Variants in PSME4 observed in about 807,000 individuals in gnomAD.
The protein encoded by PSME4 is proteasome activator subunit 4, also known as proteasome activator complex subunit 4.
In PSME4, 89 loss-of-function variants were observed where a neutral mutation model predicts 253.9. The ratio of observed to expected loss-of-function variants is 0.35; its 90% CI spans 0.30 to 0.42. The LOEUF (loss-of-function observed/expected upper bound fraction) is 0.42, where lower values mean the gene tolerates loss of function less well. Ranked by LOEUF, PSME4 falls within the 10% of genes least tolerant of loss-of-function variation. The probability of loss-of-function intolerance (pLI) is 1.00; values close to 1 mark genes in which losing one functional copy is unlikely to be tolerated. For missense variants in PSME4, 2,014 were observed against 2,195.2 expected (o/e 0.92, Z 1.65); for synonymous variants, 851 against 759.2 (o/e 1.12, Z -1.99).
intron 1 of PSME4, among the ~76,000 whole-genome samples, chr2:53,949,601 C>G (rs1669882802): frequency 6.6e-6 from 1 of 152,038 alleles, no homozygotes; most frequent in Non-Finnish European, 1.5e-5. Context: ...GAAATCCAGT[C>G]ATAAGCTACA....
At chr2:53,866,684 A>G in intron 45 of PSME4, 63 bp downstream of exon 45, 1 of 1,523,620 alleles carries the variant, frequency 6.6e-7, no homozygotes, top group East Asian at 2.3e-5. Flanking sequence ...GGAAATTATT[A>G]TTATGGTTTC....
intron 1 of PSME4, among the ~76,000 whole-genome samples, chr2:53,967,605 G>T (rs1347227996): frequency 8.1e-6 from 1 of 122,822 alleles, no homozygotes; most frequent in Admixed American, 1.1e-4. Flanking sequence ...CCACGATAGT[G>T]CCACTACACT....
chr2:53,866,240 C>G lies in PSME4; in HGVS notation c.5398-17G>C. The G allele has an allele frequency of 6.2e-7, 1 of 1,612,638 alleles. No homozygotes were observed. Among genetic ancestry groups the G allele is most frequent in the Non-Finnish European group, 8.5e-7 (1 of 1,179,392 alleles). ...TACAGTCATCTGTAAAGTAGACAAC[C>G]CACATACGTTTTAACCTCTCTGGAC... is the stretch of plus-strand genomic sequence containing the variant. On this transcript the variant is annotated splice_polypyrimidine_tract_variant and intron_variant, in intron 45 of 46. Coordinates refer to ENST00000404125, the MANE Select transcript of PSME4 (RefSeq NM_014614.3).
In PSME4 at chr2:53,893,696, G is replaced by A; in HGVS notation, c.4016C>T (p.Pro1339Leu). Residue 1339 changes from proline (P) to leucine (L), a missense_variant, in exon 35 of 47, where the codon CCA becomes CTA. Physicochemically the swap from Pro to Leu is moderately conservative, Grantham distance 98. Coordinates refer to ENST00000404125, the MANE Select transcript of PSME4 (RefSeq NM_014614.3). Reference protein sequence around the residue: ...EDRKGKDKFNPRRFCLFKGIF... With the variant: ...EDRKGKDKFNLRRFCLFKGIF... Reference sequence around the variant, plus strand: ...TACCTTAAAGAGGCAAAAACGTCGTGGATTAAACTTATCTTTTCCTTTTCT... The same window carrying A: ...TACCTTAAAGAGGCAAAAACGTCGTAGATTAAACTTATCTTTTCCTTTTCT... 6.2e-7 allele frequency: 1 copy of A among 1,609,664 alleles called. No homozygotes were observed. The highest frequency in any genetic ancestry group is 8.5e-7 in the Non-Finnish European group (1 of 1,177,860).
At chr2:53,914,588 T>C (rs1219460233) in intron 20 of PSME4, among the ~76,000 whole-genome samples, 1 of 152,196 alleles carries the variant, frequency 6.6e-6, no homozygotes, top group East Asian at 1.9e-4. Flanking sequence ...ATAGTAAGTA[T>C]AAGATATTTA....
intron 33 of PSME4, 36 bp from the exon 34 acceptor site, chr2:53,895,112 GA>G (rs1680083697): frequency 1.3e-6 from 2 of 1,547,402 alleles, no homozygotes; most frequent in Non-Finnish European, 8.7e-7. Context: ...CATACGCATA[GA>G]AAAAAATATT....
intron 1 of PSME4, among the ~76,000 whole-genome samples, chr2:53,963,233 G>C (rs1005373713): frequency 6.6e-6 from 1 of 151,916 alleles, no homozygotes; most frequent in African/African-American, 2.4e-5. Flanking sequence ...GCCTGAGATG[G>C]GAGGATCGCT....
At chr2:53,966,465 T>C (rs112447749) in intron 1 of PSME4, among the ~76,000 whole-genome samples, 1 of 151,948 alleles carries the variant, frequency 6.6e-6, no homozygotes, top group African/African-American at 2.4e-5. Context: ...AGTTTGAGAC[T>C]GGCCTGGCCA....
chr2:53,909,675 T>A (rs996373169), intron 21 of PSME4, among the ~76,000 whole-genome samples: 2 of 152,138 alleles, frequency 1.3e-5, no homozygotes, highest in Non-Finnish European at 1.5e-5. Context: ...CTACTTCATT[T>A]TAGGCCGGGC....
At chr2:53,935,692 G>A (rs1669072680) in intron 7 of PSME4, among the ~76,000 whole-genome samples, 1 of 152,024 alleles carries the variant, frequency 6.6e-6, no homozygotes. Context: ...TTCATACCCT[G>A]CACAAGAAAA....
intron 4 of PSME4, among the ~76,000 whole-genome samples, chr2:53,939,512 G>A (rs1182843878): frequency 1.3e-5 from 2 of 152,092 alleles, no homozygotes; most frequent in Non-Finnish European, 2.9e-5. Context: ...GACTGCTTGA[G>A]GCCAGGGGTT....
At chr2:53,962,876 T>C (rs562351876) in intron 1 of PSME4, among the ~76,000 whole-genome samples, 1 of 152,060 alleles carries the variant, frequency 6.6e-6, no homozygotes, top group Admixed American at 6.6e-5. Flanking sequence ...CCAGGCATGG[T>C]GGCTGCACCT....
In PSME4 at chr2:53,937,433, A is replaced by C; in HGVS notation, c.653T>G (p.Leu218Arg). 6.2e-7 allele frequency: 1 copy of C among 1,609,164 alleles called. No homozygotes were observed. Residue 218 changes from leucine to arginine, a missense_variant, in exon 5 of 47, where the codon CTT (leucine) becomes CGT (arginine). Coordinates refer to ENST00000404125, the MANE Select transcript of PSME4 (RefSeq NM_014614.3). The part of the protein sequence containing the change: ...QKAITYFEIF[L>R]PTSLPPELHH... Reference sequence around the variant, plus strand: ...AAGTTCTGGAGGAAGGGAGGTAGGAAGAAATATTTCAAAATAAGTGATGGC... The same window carrying C: ...AAGTTCTGGAGGAAGGGAGGTAGGACGAAATATTTCAAAATAAGTGATGGC...
rs531854631 is a variant in PSME4, at chr2:53,865,577, T to A, written c.*5-4A>T. On this transcript the variant is annotated splice_polypyrimidine_tract_variant and splice_region_variant and intron_variant, in intron 46 of 46. Coordinates refer to ENST00000404125, the MANE Select transcript of PSME4 (RefSeq NM_014614.3). ...GCCTGAAGTGAGGACTAGTCATCTG[T>A]ATCAGGGAGGAAAAAATTTCAATTA... 1 of 152,850 alleles carries A rather than the reference T, an allele frequency of 6.5e-6. No individual in the cohort carries two copies. The highest frequency in any genetic ancestry group is 6.5e-5 in the Admixed American group (1 of 15,340). The allele number at this position is 152,850 out of a possible 1,614,324, so 9.5% of individuals were successfully genotyped here.
intron 34 of PSME4, 59 bp from the exon 35 acceptor site, chr2:53,893,858 C>A (rs1354200961): frequency 1.3e-6 from 2 of 1,501,438 alleles, no homozygotes; most frequent in Non-Finnish European, 8.8e-7. Flanking sequence ...ATACATGATT[C>A]TGAAAAAGTT....
In PSME4 at chr2:53,949,296, A is replaced by T. The variant is rs745710104; in HGVS notation, c.243-13T>A. On this transcript the variant is annotated splice_polypyrimidine_tract_variant and intron_variant, in intron 1 of 46. Coordinates refer to ENST00000404125, the MANE Select transcript of PSME4 (RefSeq NM_014614.3). ...AAGTCGAATATATCTGCAAGAGAAA[A>T]ATAGATATACCCTTTAAAAATAGGT... 17 of 1,527,034 alleles carry T rather than the reference A, an allele frequency of 1.1e-5. No homozygotes were observed. The highest frequency in any genetic ancestry group is 1.4e-5 in the Non-Finnish European group (16 of 1,113,742). 94.6% of individuals were successfully genotyped at this position (1,527,034 alleles called of 1,614,324 possible).
At chr2:53,886,210 C>A (rs1379329754) in intron 40 of PSME4, among the ~76,000 whole-genome samples, 1 of 152,052 alleles carries the variant, frequency 6.6e-6, no homozygotes, top group Non-Finnish European at 1.5e-5. Flanking sequence ...GAGTTCAAGA[C>A]CAGTCTGGGC....
chr2:53,914,096 A>T (rs1573275610), intron 20 of PSME4, among the ~76,000 whole-genome samples: 1 of 152,220 alleles, frequency 6.6e-6, no homozygotes, highest in East Asian at 1.9e-4. Flanking sequence ...ACTAAAAATG[A>T]CGTAATAAAT....
Position 53,921,054 on chromosome 2 carries a change from T to C in PSME4, c.2097A>G (p.Val699=), listed in dbSNP as rs1430638310. The C allele has an allele frequency of 2.5e-6, 4 of 1,614,072 alleles. No individual in the cohort carries two copies. The highest frequency in any genetic ancestry group is 3.4e-6 in the Non-Finnish European group (4 of 1,179,996). ...RKLLLYREQL[V]KILQRTLHLT... ...AATGTAGGGTTCTTTGGAGAATCTTTACAAGCTGCTCCCTATAAAGAAGCA... is the reference window on the plus strand; with the variant it reads ...AATGTAGGGTTCTTTGGAGAATCTTCACAAGCTGCTCCCTATAAAGAAGCA... Residue 699 remains valine (V), a synonymous_variant, in exon 18 of 47, where the codon GTA becomes GTG. Coordinates refer to ENST00000404125, the MANE Select transcript of PSME4 (RefSeq NM_014614.3).
Sources: allele counts gnomAD v4.1 joint callset (sites outside exome capture counted in the v4.1 genomes callset), GRCh38; gene constraint gnomAD v4.1.1; transcripts MANE v1.5; gene names NCBI Gene and HGNC (gene_info 2026-07-23, HGNC 2026-07-21).